LOXHD1: variants seen among roughly 807,000 people sequenced by gnomAD.
LOXHD1 encodes lipoxygenase homology domain-containing protein 1.
Under a neutral mutation model 248.2 loss-of-function variants are expected in LOXHD1, and 205 were observed. The ratio of observed to expected loss-of-function variants is 0.83; its 90% confidence interval spans 0.74 to 0.93. The LOEUF (loss-of-function observed/expected upper bound fraction) is 0.93. Ranked by LOEUF, LOXHD1 falls within the 40% of genes least tolerant of loss-of-function variation. The pLI is 0.00. For synonymous variants in LOXHD1, 1,113 were observed against 1,162.8 expected, an observed-to-expected ratio of 0.96 and a Z score of 0.87; for missense variants, 2,930 against 2,971.6, an observed-to-expected ratio of 0.99 and a Z score of 0.33.
intron 37 of LOXHD1, among the ~76,000 whole-genome samples, chr18:46,502,238 C>T (rs2034276674): frequency 6.6e-6 from 1 of 152,006 alleles, no homozygotes; most frequent in South Asian, 2.1e-4. Flanking sequence ...CCTTTACTTT[C>T]CTAGATGGTT....
chr18:46,493,914 A>G lies in LOXHD1; in HGVS notation c.5879-4772T>C, dbSNP rs1598839518. ...TCCAATCATCTTATCTCTCACCTCA[A>G]TAAGGAAGAGCCCTTTTACAAATCC... On this transcript the variant is annotated intron_variant, in intron 37 of 40. Transcript: ENST00000642948. Among the ~76,000 whole-genome samples the G allele has an allele frequency of 1.3e-5, 2 of 152,312 alleles. 1 individual carries two copies. Among genetic ancestry groups the G allele is most frequent in the South Asian group, 4.1e-4 (2 of 4,820 alleles).
chr18:46,632,981 G>T (rs149668908), intron 4 of LOXHD1, among the ~76,000 whole-genome samples: 2 of 152,208 alleles, frequency 1.3e-5, no homozygotes, highest in East Asian at 3.9e-4. Flanking sequence ...AATCCAGGAG[G>T]TTTCTCCAGG....
intron 4 of LOXHD1, among the ~76,000 whole-genome samples, chr18:46,629,450 A>G (rs780472868): frequency 6.6e-6 from 1 of 152,158 alleles, no homozygotes; most frequent in Non-Finnish European, 1.5e-5. Flanking sequence ...CATTTGCACT[A>G]TGCAGTCCTC....
intron 38 of LOXHD1, among the ~76,000 whole-genome samples, chr18:46,487,913 G>A (rs1260876650): frequency 6.6e-6 from 1 of 152,172 alleles, no homozygotes; most frequent in African/African-American, 2.4e-5. Context: ...TTAGGATTGG[G>A]TTTCAGGTAC....
At chr18:46,535,521 C>T (rs1219241597) in intron 26 of LOXHD1, among the ~76,000 whole-genome samples, 2 of 152,136 alleles carry the variant, frequency 1.3e-5, no homozygotes, top group South Asian at 2.1e-4. Context: ...GAATCTCTGG[C>T]TTCTGTGACC....
intron 18 of LOXHD1, among the ~76,000 whole-genome samples, chr18:46,561,483 G>A (rs1013547714): frequency 1.3e-5 from 2 of 152,200 alleles, no homozygotes; most frequent in Admixed American, 6.5e-5. Context: ...TCACATGGGG[G>A]TTGTTTCTAG....
intron 40 of LOXHD1, among the ~76,000 whole-genome samples, chr18:46,483,229 A>G (rs1279156527): frequency 6.6e-6 from 1 of 152,164 alleles, no homozygotes; most frequent in Non-Finnish European, 1.5e-5. Flanking sequence ...AGGCTTCATA[A>G]CTGTGTTTCT....
intron 32 of LOXHD1, 86 bp downstream of exon 32, chr18:46,522,015 C>T: frequency 1.0e-6 from 1 of 994,192 alleles, no homozygotes. Context: ...TTCTTCCCAC[C>T]CTGCACTCTC....
intron 2 of LOXHD1, among the ~76,000 whole-genome samples, chr18:46,645,697 A>C: frequency 6.6e-6 from 1 of 152,144 alleles, no homozygotes; most frequent in East Asian, 1.9e-4. Context: ...GAATGTAGGC[A>C]CCAGACCACA....
At chr18:46,478,243 TTC>T (rs2032206953) in intron 40 of LOXHD1, among the ~76,000 whole-genome samples, 1 of 152,176 alleles carries the variant, frequency 6.6e-6, no homozygotes. Context: ...TATTTTTTTT[TTC>T]TCACCATCTT....
In LOXHD1 at chr18:46,592,562, C is replaced by T. The variant is rs537798235; in HGVS notation, c.1454G>A (p.Arg485Lys). Reference protein sequence around the residue: ...KFRIELPDLGRFYKIRVWHDK... With the variant: ...KFRIELPDLGKFYKIRVWHDK... Reference sequence around the variant, plus strand: ...ATGCCATACTCGAATCTTATAAAACCTGCCAAGATCCGGGAGCTCAATCTA... The same window carrying T: ...ATGCCATACTCGAATCTTATAAAACTTGCCAAGATCCGGGAGCTCAATCTA... The change falls in exon 11 of 41, where the codon AGG becomes AAG. Residue 485 changes from arginine to lysine, a missense_variant. Transcript: ENST00000642948. The T allele has an allele frequency of 6.4e-7, 1 of 1,551,510 alleles. No homozygotes were observed. Among genetic ancestry groups the T allele is most frequent in the African/African-American group, 1.4e-5 (1 of 73,048 alleles).
At chr18:46,510,919 A>G (rs1321447311) in intron 34 of LOXHD1, among the ~76,000 whole-genome samples, 1 of 152,246 alleles carries the variant, frequency 6.6e-6, no homozygotes, top group Non-Finnish European at 1.5e-5. Context: ...CTCATGTCAC[A>G]TTCATGTCAC....
chr18:46,562,515 C>T lies in LOXHD1; in HGVS notation c.2598+550G>A, dbSNP rs531444151. Among the ~76,000 whole-genome samples the T allele has an allele frequency of 7.2e-5, 11 of 152,266 alleles. No homozygotes were observed. In the East Asian group the frequency reaches 1.2e-3, roughly 16 times the overall value. On this transcript the variant is annotated intron_variant, in intron 18 of 40. Transcript: ENST00000642948. ...TATTGAAAGACTTGGAAAGGAAGAA[C>T]GGAGACCTGGGATACTCAGGAAACA...
chr18:46,505,890 G>A lies in LOXHD1; in HGVS notation c.5826C>T (p.Asp1942=). ...RNNTDTFNFP[D]MLSLGHLCKL... is the part of the protein sequence containing the mutation. ...TGCAGAGGTGGCCCAAGCTCAGCAT[G>A]TCAGGGAAGTTGAATGTGTCCGTGT... Residue 1942 remains aspartate, a synonymous_variant, in exon 37 of 41, where the codon GAC becomes GAT. Transcript: ENST00000642948. 6.4e-7 allele frequency: 1 copy of A among 1,551,824 alleles called. No individual in the cohort carries two copies. Among genetic ancestry groups the A allele is most frequent in the East Asian group, 2.4e-5 (1 of 40,916 alleles).
chr18:46,538,729 C>T (rs2036429207), intron 25 of LOXHD1, among the ~76,000 whole-genome samples: 1 of 152,310 alleles, frequency 6.6e-6, no homozygotes, highest in Non-Finnish European at 1.5e-5. Flanking sequence ...CTGTAAAGTG[C>T]CCTCGACATG....
rs1250265757 is a variant in LOXHD1 at position 46,567,120 on chromosome 18, C to CTTA, written c.2245-674_2245-672dup. Among the ~76,000 whole-genome samples the CTTA allele has an allele frequency of 3.3e-5, 5 of 152,338 alleles. No homozygotes were observed. The East Asian group carries it at 9.6e-4, about 29-fold the overall frequency. ...GAGTGCAGATGATCATATCACCATC[C>CTTA]TTATATGTACTTGGTTTTTCAATGT... On this transcript the variant is annotated intron_variant, in intron 16 of 40. Coordinates refer to ENST00000642948, the MANE Select transcript of LOXHD1 (RefSeq NM_001384474.1).
chr18:46,592,394 T>A, intron 11 of LOXHD1, 104 bp downstream of exon 11: 1 of 982,270 alleles, frequency 1.0e-6, no homozygotes, highest in South Asian at 1.6e-5. Context: ...CAGTCCCTAT[T>A]CACAATAAAT....
chr18:46,521,628 A>G (rs2035582441), intron 32 of LOXHD1, among the ~76,000 whole-genome samples: 1 of 152,122 alleles, frequency 6.6e-6, no homozygotes. Context: ...CTGCTGAGAG[A>G]TGAAGTCCTC....
intron 29 of LOXHD1, among the ~76,000 whole-genome samples, chr18:46,526,001 GGCA>G (rs1178119949): frequency 6.6e-6 from 1 of 152,160 alleles, no homozygotes; most frequent in African/African-American, 2.4e-5. Flanking sequence ...GGGCTTTCCA[GGCA>G]GCTCAGGTAG....
Sources: allele counts gnomAD v4.1 joint callset (sites outside exome capture counted in the v4.1 genomes callset), GRCh38; gene constraint gnomAD v4.1.1; transcripts MANE v1.5; gene names NCBI Gene and HGNC (gene_info 2026-07-23, HGNC 2026-07-21).